The following MYF6 variants were observed in gnomAD, a reference collection of about 807,000 sequenced individuals.
The protein encoded by MYF6 is class C basic helix-loop-helix protein 4.
MYF6 carries 20 observed loss-of-function variants against 21.7 expected under a neutral mutation model. The ratio of observed to expected loss-of-function variants is 0.92; its 90% CI spans 0.65 to 1.34. MYF6 has a LOEUF of 1.34. Ranked by LOEUF, MYF6 falls within the 40% of genes most tolerant of loss-of-function variation. The pLI is 0.00. For missense variants in MYF6, 320 were observed against 304.1 expected (o/e 1.05, Z -0.39); for synonymous variants, 124 against 124.7 (o/e 0.99, Z 0.04).
chr12:80,707,825 G>GGGA lies in MYF6; in HGVS notation c.108_110dup (p.Gly36_Ser37insArg). 2 of 1,614,172 alleles carry GGGA rather than the reference G, an allele frequency of 1.2e-6. No homozygotes were observed. The highest frequency in any genetic ancestry group is 1.7e-6 in the Non-Finnish European group (2 of 1,180,026). ...GGCAGAAGGCTCTCCTTTGTATCCA[G>GGGA]GGAGTGATGGTACCTTGTCCCCCTG... On this transcript the variant is annotated inframe_insertion, in exon 1 of 3. Transcript: ENST00000228641.
In MYF6 at chr12:80,709,131, T is replaced by A. The variant is rs2121346972; in HGVS notation, c.*171T>A. 1.6e-6 allele frequency: 1 copy of A among 629,808 alleles called. No homozygotes were observed. Among genetic ancestry groups the A allele is most frequent in the Non-Finnish European group, 2.8e-6 (1 of 354,744 alleles). The allele number at this position is 629,808 out of a possible 1,614,324, so 39.0% of individuals were successfully genotyped here. On this transcript the variant is annotated 3_prime_UTR_variant, in exon 3 of 3. Transcript: ENST00000228641. Reference sequence around the variant, plus strand: ...AAGAAACGTTGCGAAAATTGCGAAATCTGTTGTGCATGCTCAAATGAAAAC... The same window carrying A: ...AAGAAACGTTGCGAAAATTGCGAAAACTGTTGTGCATGCTCAAATGAAAAC...
At position 80,708,598 on chromosome 12, in the gene MYF6, G is replaced by GATA. The variant is rs1565862616; in HGVS notation, c.596_598dup (p.Ile199dup). ...TTTCCGATCATTCCAGGGGGCTCGT[G>GATA]ATAACGGCTAAGGAAGGTAAAGTAA... On this transcript the variant is annotated inframe_insertion, in exon 2 of 3. Transcript: ENST00000228641. The GATA allele has an allele frequency of 2.5e-6, 4 of 1,614,198 alleles. No individual in the cohort carries two copies. The South Asian group carries it at 4.4e-5, about 18-fold the overall frequency.
chr12:80,708,348 C>T (rs1422919651), intron 1 of MYF6, 110 bp downstream of exon 1: 2 of 1,460,234 alleles, frequency 1.4e-6, no homozygotes, highest in East Asian at 4.8e-5. Context: ...CTTTCTCGCC[C>T]GCCCCTCCCG....
rs1431214720 is a variant in MYF6, at chr12:80,708,010, C to T, written c.291C>T (p.Ala97=). 3.7e-6 allele frequency: 6 copies of T among 1,614,044 alleles called. No homozygotes were observed. The highest frequency in any genetic ancestry group is 1.3e-5 in the African/African-American group (1 of 74,914). ...CTGCCCCCACTGACCGGCGAAAAGC[C>T]GCCACCCTGCGCGAAAGGAGGAGGC... ...RKSAPTDRRK[A]ATLRERRRLK... The change falls in exon 1 of 3, where the codon GCC becomes GCT. Residue 97 remains alanine (A), a synonymous_variant. Coordinates refer to ENST00000228641, the MANE Select transcript of MYF6 (RefSeq NM_002469.3).
Position 80,707,847 on chromosome 12 carries a change from C to G in MYF6, c.128C>G (p.Pro43Arg), listed in dbSNP as rs751170255. Reference sequence around the variant, plus strand: ...CCAGGGAGTGATGGTACCTTGTCCCCCTGCCAGGACCAAATGCCCCCGGAA... The same window carrying G: ...CCAGGGAGTGATGGTACCTTGTCCCGCTGCCAGGACCAAATGCCCCCGGAA... ...LYPGSDGTLS[P>R]CQDQMPPEAG... is the part of the protein sequence containing the mutation. The change falls in exon 1 of 3, where the codon CCC becomes CGC. Residue 43 changes from proline (P) to arginine (R), a missense_variant. Physicochemically the swap from Pro to Arg is moderately radical, Grantham distance 103. Coordinates refer to ENST00000228641, the MANE Select transcript of MYF6 (RefSeq NM_002469.3). The G allele has an allele frequency of 2.5e-6, 4 of 1,614,062 alleles. No homozygotes were observed. Among genetic ancestry groups the G allele is most frequent in the Non-Finnish European group, 3.4e-6 (4 of 1,180,038 alleles).
rs28928909 is a variant in MYF6, at chr12:80,708,053, G to T, written c.334G>T (p.Ala112Ser). The T allele has an allele frequency of 1.5e-3, 2,397 of 1,614,160 alleles. 2 individuals carry two copies. The highest frequency in any genetic ancestry group is 1.7e-3 in the Non-Finnish European group (2,056 of 1,180,032). The change falls in exon 1 of 3, where the codon GCC (alanine) becomes TCC (serine). Residue 112 changes from alanine to serine, a missense_variant. Transcript: ENST00000228641. Reference sequence around the variant, plus strand: ...GAGGAGGCTAAAGAAAATCAACGAGGCCTTCGAGGCACTGAAGCGGCGAAC... The same window carrying T: ...GAGGAGGCTAAAGAAAATCAACGAGTCCTTCGAGGCACTGAAGCGGCGAAC... ...ERRRLKKINEAFEALKRRTVA... is the reference protein window; with the variant it reads ...ERRRLKKINESFEALKRRTVA...
rs1188507871 is a variant in MYF6 at position 80,707,999 on chromosome 12, C to T, written c.280C>T (p.Arg94Trp). ...CAAGAGAAAATCTGCCCCCACTGAC[C>T]GGCGAAAAGCCGCCACCCTGCGCGA... The part of the protein sequence containing the change: ...TCKRKSAPTD[R>W]RKAATLRERR... Residue 94 changes from arginine to tryptophan, a missense_variant, in exon 1 of 3, where the codon CGG (arginine) becomes TGG (tryptophan). Arg to Trp is a moderately radical substitution (Grantham distance 101). Transcript: ENST00000228641. The T allele has an allele frequency of 1.2e-6, 2 of 1,614,112 alleles. No individual in the cohort carries two copies. The highest frequency in any genetic ancestry group is 2.2e-5 in the East Asian group (1 of 44,858).
In MYF6 at chr12:80,709,192, G is replaced by T. The variant is rs1425764397; in HGVS notation, c.*232G>T. On this transcript the variant is annotated 3_prime_UTR_variant, in exon 3 of 3. Transcript: ENST00000228641. ...TTTGGGCTTTTATTTTTTTGGAACT[G>T]CGAGTGGCTTAGGTCTAGCCTCATT... 2 of 526,794 alleles carry T rather than the reference G, an allele frequency of 3.8e-6. No individual in the cohort carries two copies. Among genetic ancestry groups the T allele is most frequent in the African/African-American group, 1.9e-5 (1 of 52,344 alleles). 32.6% of individuals were successfully genotyped at this position (526,794 alleles called of 1,614,324 possible).
intron 2 of MYF6, 94 bp downstream of exon 2, chr12:80,708,708 G>A: frequency 6.6e-7 from 1 of 1,522,832 alleles, no homozygotes; most frequent in East Asian, 2.3e-5. Flanking sequence ...GCAGGGACGC[G>A]CCCTGCGAAA....
chr12:80,708,313 C>G lies in MYF6; in HGVS notation c.519+75C>G, dbSNP rs987598316. On this transcript the variant is annotated intron_variant, in intron 1 of 2. Coordinates refer to ENST00000228641, the MANE Select transcript of MYF6 (RefSeq NM_002469.3). ...CCTTCCGCGGGGCCTTAACCTCCAG[C>G]TGCTTGGTCTTTTTTCCCTTCCCCC... is the stretch of plus-strand genomic sequence containing the variant. 19 of 1,552,050 alleles carry G rather than the reference C, an allele frequency of 1.2e-5. No homozygotes were observed. The African/African-American group carries it at 2.6e-4, about 21-fold the overall frequency.
At chr12:80,708,735 G>C in intron 2 of MYF6, 107 bp from the exon 3 acceptor site, 1 of 1,514,598 alleles carries the variant, frequency 6.6e-7, no homozygotes, top group Non-Finnish European at 9.2e-7. Flanking sequence ...CTCTTTGCGC[G>C]CCGGGACCAG....
At position 80,709,029 on chromosome 12, in the gene MYF6, T is replaced by C. The variant is rs748561934; in HGVS notation, c.*69T>C. 2 of 1,193,634 alleles carry C rather than the reference T, an allele frequency of 1.7e-6. No homozygotes were observed. Among genetic ancestry groups the C allele is most frequent in the Admixed American group, 3.4e-5 (2 of 58,148 alleles). 73.9% of individuals were successfully genotyped at this position (1,193,634 alleles called of 1,614,324 possible). On this transcript the variant is annotated 3_prime_UTR_variant, in exon 3 of 3. Transcript: ENST00000228641. ...CACCGACCCTTCCTGGCCTAATCCT[T>C]TAGATTAGGTCACATTACATTAACA...
rs1367269493 is a variant in MYF6, at chr12:80,708,930, C to T, written c.699C>T (p.Leu233=). ...VDSISSEERK[L]PCVEEVVEK is the part of the protein sequence containing the mutation. ...GTATTTCCTCGGAGGAACGCAAACT[C>T]CCCTGCGTGGAGGAAGTGGTGGAGA... The change falls in exon 3 of 3, where the codon CTC becomes CTT. Residue 233 remains leucine, a synonymous_variant. Transcript: ENST00000228641. The T allele has an allele frequency of 6.2e-7, 1 of 1,614,082 alleles. No individual in the cohort carries two copies. The highest frequency in any genetic ancestry group is 1.3e-5 in the African/African-American group (1 of 75,060).
In MYF6 at chr12:80,707,679, A is replaced by G; in HGVS notation, c.-41A>G. On this transcript the variant is annotated 5_prime_UTR_variant, in exon 1 of 3. Coordinates refer to ENST00000228641, the MANE Select transcript of MYF6 (RefSeq NM_002469.3). ...GTGGTTCCTCTGGGTTTTTGAGTCC[A>G]TCACCCAGTTCAGATCGAGTCAGAG... is the stretch of plus-strand genomic sequence containing the variant. 6.2e-7 allele frequency: 1 copy of G among 1,613,716 alleles called. No homozygotes were observed. Among genetic ancestry groups the G allele is most frequent in the South Asian group, 1.1e-5 (1 of 91,014 alleles).
Position 80,707,976 on chromosome 12 carries a change from A to G in MYF6, c.257A>G (p.Lys86Arg). ...CTGATCTGGGCTTGCAAGACCTGCA[A>G]GAGAAAATCTGCCCCCACTGACCGG... ...QCLIWACKTCKRKSAPTDRRK... is the reference protein window; with the variant it reads ...QCLIWACKTCRRKSAPTDRRK... Residue 86 changes from lysine to arginine, a missense_variant, in exon 1 of 3, where the codon AAG becomes AGG. Transcript: ENST00000228641. 6.2e-7 allele frequency: 1 copy of G among 1,614,158 alleles called. No individual in the cohort carries two copies. The highest frequency in any genetic ancestry group is 8.5e-7 in the Non-Finnish European group (1 of 1,180,024).
Position 80,708,146 on chromosome 12 carries a change from C to T in MYF6, c.427C>T (p.Arg143Trp), listed in dbSNP as rs1868398350. 1.9e-6 allele frequency: 3 copies of T among 1,613,996 alleles called. No individual in the cohort carries two copies. Among genetic ancestry groups the T allele is most frequent in the Admixed American group, 1.7e-5 (1 of 60,008 alleles). Residue 143 changes from arginine (R) to tryptophan (W), a missense_variant, in exon 1 of 3, where the codon CGG becomes TGG. By Grantham distance (101) the Arg-to-Trp change is moderately radical. Coordinates refer to ENST00000228641, the MANE Select transcript of MYF6 (RefSeq NM_002469.3). ...ILRSAISYIE[R>W]LQDLLHRLDQ... is the part of the protein sequence containing the mutation. Reference sequence around the variant, plus strand: ...GCGGAGCGCCATCAGCTATATTGAGCGGCTGCAGGACCTGCTGCACCGGCT... The same window carrying T: ...GCGGAGCGCCATCAGCTATATTGAGTGGCTGCAGGACCTGCTGCACCGGCT...
In MYF6 at chr12:80,709,063, C is replaced by A; in HGVS notation, c.*103C>A. 2 of 962,284 alleles carry A rather than the reference C, an allele frequency of 2.1e-6. No homozygotes were observed. The highest frequency in any genetic ancestry group is 3.3e-6 in the Non-Finnish European group (2 of 614,254). 59.6% of individuals were successfully genotyped at this position (962,284 alleles called of 1,614,324 possible). A position where few individuals can be genotyped will look rare whatever the true frequency, so the allele number is the denominator to read the frequency against. On this transcript the variant is annotated 3_prime_UTR_variant, in exon 3 of 3. Coordinates refer to ENST00000228641, the MANE Select transcript of MYF6 (RefSeq NM_002469.3). ...GTCACATTACATTAACATTTAGGAA[C>A]CCAGACCGAAAAGTTGCTGAAAGGG...
intron 1 of MYF6, 42 bp from the exon 2 acceptor site, chr12:80,708,482 T>A: frequency 1.1e-6 from 1 of 873,814 alleles, no homozygotes; most frequent in Non-Finnish European, 1.8e-6. Flanking sequence ...CCGGAACCGA[T>A]GTTTCTTTCC....
rs1565862204 is a variant in MYF6, at chr12:80,707,971, C to T, written c.252C>T (p.Thr84=). The T allele has an allele frequency of 1.2e-6, 2 of 1,614,168 alleles. No individual in the cohort carries two copies. The highest frequency in any genetic ancestry group is 2.2e-5 in the South Asian group (2 of 91,082). Residue 84 remains threonine (T), a synonymous_variant, in exon 1 of 3, where the codon ACC becomes ACT. Coordinates refer to ENST00000228641, the MANE Select transcript of MYF6 (RefSeq NM_002469.3). ...AGTGTCTGATCTGGGCTTGCAAGACCTGCAAGAGAAAATCTGCCCCCACTG... is the reference window on the plus strand; with the variant it reads ...AGTGTCTGATCTGGGCTTGCAAGACTTGCAAGAGAAAATCTGCCCCCACTG... ...PGQCLIWACK[T]CKRKSAPTDR...
Sources: allele counts gnomAD v4.1 joint callset, GRCh38; gene constraint gnomAD v4.1.1; transcripts MANE v1.5; gene names NCBI Gene and HGNC (gene_info 2026-07-23, HGNC 2026-07-21).